Variants in NLGN4X observed in about 807,000 individuals in gnomAD.
The protein encoded by NLGN4X is neuroligin 4 X-linked.
NLGN4X carries 3 observed loss-of-function variants against 40.3 expected under a neutral mutation model. The ratio of observed to expected loss-of-function variants is 0.07; its 90% CI spans 0.03 to 0.19. NLGN4X has a LOEUF of 0.19. Among genes scored for constraint, NLGN4X ranks in the 10% least tolerant of loss-of-function variants. NLGN4X has a pLI of 1.00. For synonymous variants in NLGN4X, 270 were observed against 306.8 expected, an observed-to-expected ratio of 0.88 and a Z score of 1.25; for missense variants, 382 against 708.3, an observed-to-expected ratio of 0.54 and a Z score of 5.23.
At chrX:6,197,900 CA>C in intron 1 of NLGN4X, among the ~76,000 whole-genome samples, 1 of 108,533 alleles carries the variant, frequency 9.2e-6, no homozygotes, top group Non-Finnish European at 1.9e-5. Context: ...TCTGTCTCTA[CA>C]AAAAAATACA....
intron 1 of NLGN4X, among the ~76,000 whole-genome samples, chrX:6,186,475 ATTCAT>A (rs1263443548): frequency 1.7e-4 from 19 of 112,270 alleles, no homozygotes; most frequent in Admixed American, 1.5e-3. Context: ...GTGTAAAATG[ATTCAT>A]TTAACTATAT....
chrX:6,220,235 C>A (rs965984510), intron 1 of NLGN4X, among the ~76,000 whole-genome samples: 2 of 110,727 alleles, frequency 1.8e-5, no homozygotes, highest in East Asian at 5.6e-4. Context: ...AATTTAAAGT[C>A]TTTTAGAATA....
At chrX:6,157,211 C>A (rs749602228) in intron 1 of NLGN4X, among the ~76,000 whole-genome samples, 12 of 111,558 alleles carry the variant, frequency 1.1e-4, no homozygotes, top group Non-Finnish European at 1.9e-4. Context: ...CCTCCCTCAC[C>A]ATTTCTGTTC....
rs190011144 is a variant in NLGN4X at position 6,171,442 on chromosome X, G to A, written c.-305-19671C>T. Among the ~76,000 whole-genome samples the A allele has an allele frequency of 1.2e-3, 136 of 112,197 alleles. 2 individuals are homozygous for A. Among genetic ancestry groups the A allele is most frequent in the Non-Finnish European group, 4.1e-4 (22 of 53,283 alleles). On this transcript the variant is annotated intron_variant, in intron 1 of 5. Coordinates refer to ENST00000381095, the MANE Select transcript of NLGN4X (RefSeq NM_181332.3). ...TGCTCTGGGCATTAATCTGAGACCT[G>A]CATTCTTTCAGCTCTCTTCTGTGAA...
intron 2 of NLGN4X, chrX:6,032,822 A>G: frequency 1.5e-6 from 1 of 645,162 alleles, no homozygotes; most frequent in African/African-American, 2.2e-5. Flanking sequence ...CAAAAAATTC[A>G]GAAAAGAGAG....
chrX:6,061,106 G>T (rs943603276), intron 2 of NLGN4X, among the ~76,000 whole-genome samples: 5 of 111,406 alleles, frequency 4.5e-5, no homozygotes, highest in African/African-American at 1.6e-4. Flanking sequence ...CTATAATGTG[G>T]TTCTGCCCAT....
intron 1 of NLGN4X, among the ~76,000 whole-genome samples, chrX:6,204,832 G>A (rs1441224050): frequency 1.8e-5 from 2 of 111,550 alleles, no homozygotes; most frequent in Non-Finnish European, 3.8e-5. Context: ...TGAAGACATT[G>A]GGTTTAGCAC....
At chrX:6,047,946 T>C (rs2037370175) in intron 2 of NLGN4X, among the ~76,000 whole-genome samples, 1 of 111,502 alleles carries the variant, frequency 9.0e-6, no homozygotes, top group Non-Finnish European at 1.9e-5. Context: ...CAAAGCAGCA[T>C]GCAAGTGAAG....
chrX:5,894,873 T>C (rs775256429), intron 5 of NLGN4X, among the ~76,000 whole-genome samples: 5 of 112,308 alleles, frequency 4.5e-5, no homozygotes, highest in Non-Finnish European at 7.5e-5. Flanking sequence ...GCACTGAGCA[T>C]TGAGATGTGA....
intron 2 of NLGN4X, among the ~76,000 whole-genome samples, chrX:6,142,369 G>A (rs1054564898): frequency 9.8e-5 from 11 of 111,957 alleles, no homozygotes; most frequent in African/African-American, 2.9e-4. Flanking sequence ...ACATGCTATC[G>A]GAAATCCACT....
At position 6,014,578 on chromosome X, in the gene NLGN4X, A is replaced by T. The variant is rs773102564; in HGVS notation, c.625+14702T>A. On this transcript the variant is annotated intron_variant, in intron 3 of 5. Coordinates refer to ENST00000381095, the MANE Select transcript of NLGN4X (RefSeq NM_181332.3). ...AAGGAGAGAGTCATCGAGAACTCTA[A>T]ATGTTCTGGAAAATCAAAATCAAAA... 1.5e-4 allele frequency among the ~76,000 whole-genome samples: 17 copies of T among 112,113 alleles called. No homozygotes were observed. In the East Asian group the frequency reaches 4.8e-3, roughly 31 times the overall value.
chrX:5,938,356 G>A (rs1279364289), intron 3 of NLGN4X, among the ~76,000 whole-genome samples: 1 of 111,122 alleles, frequency 9.0e-6, no homozygotes, highest in African/African-American at 3.3e-5. Flanking sequence ...TCAAGATTAG[G>A]ATCAAAGGCC....
At chrX:6,030,640 C>T (rs1487642334) in intron 2 of NLGN4X, among the ~76,000 whole-genome samples, 2 of 110,685 alleles carry the variant, frequency 1.8e-5, no homozygotes, top group African/African-American at 6.6e-5. Context: ...ATACAGAAGA[C>T]ACGACATACC....
intron 2 of NLGN4X, among the ~76,000 whole-genome samples, chrX:6,081,025 G>C (rs1031409619): frequency 3.6e-5 from 4 of 109,761 alleles, no homozygotes; most frequent in African/African-American, 1.3e-4. Flanking sequence ...GCAGTGATTC[G>C]CACCTGTAAT....
chrX:5,960,652 T>C (rs985377169), intron 3 of NLGN4X, among the ~76,000 whole-genome samples: 1 of 111,980 alleles, frequency 8.9e-6, no homozygotes, highest in African/African-American at 3.2e-5. Flanking sequence ...TAATTAGTAC[T>C]TTAATGAATA....
At chrX:6,227,049 G>T (rs1926434380) in intron 1 of NLGN4X, 1 of 112,999 alleles carries the variant, frequency 8.8e-6, no homozygotes, top group Non-Finnish European at 1.9e-5. Context: ...CCGGCTGCGC[G>T]CTTGGCGGAT....
chrX:6,189,415 T>C (rs1922350027), intron 1 of NLGN4X, among the ~76,000 whole-genome samples: 2 of 112,169 alleles, frequency 1.8e-5, no homozygotes, highest in African/African-American at 6.5e-5. Context: ...ATTCCCCCCT[T>C]AAGAGAAAAT....
chrX:5,947,457 A>G (rs990925631), intron 3 of NLGN4X, among the ~76,000 whole-genome samples: 16 of 112,067 alleles, frequency 1.4e-4, no homozygotes, highest in Non-Finnish European at 2.8e-4. Flanking sequence ...TTTGGGGGGA[A>G]AGTGGAGTCA....
chrX:6,099,106 CT>C (rs1408113824), intron 2 of NLGN4X, among the ~76,000 whole-genome samples: 2 of 111,977 alleles, frequency 1.8e-5, no homozygotes, highest in Admixed American at 9.5e-5. Context: ...AAAATTACCC[CT>C]GGTGAAGAAA....
Sources: allele counts gnomAD v4.1 joint callset (sites outside exome capture counted in the v4.1 genomes callset), GRCh38; gene constraint gnomAD v4.1.1; transcripts MANE v1.5; gene names NCBI Gene and HGNC (gene_info 2026-07-23, HGNC 2026-07-21).